Variants in PIK3C2G observed in about 807,000 individuals in gnomAD.
PIK3C2G encodes phosphatidylinositol 3-kinase C2 domain-containing subunit gamma.
In PIK3C2G, 168 loss-of-function variants were observed where a neutral mutation model predicts 181.1. The ratio of observed to expected loss-of-function variants is 0.93; its 90% CI spans 0.82 to 1.05. PIK3C2G has a LOEUF of 1.05. PIK3C2G is among the 50% of genes least tolerant of loss of function. The pLI is 0.00. For synonymous variants in PIK3C2G, 573 were observed against 592.2 expected (o/e 0.97, Z 0.47); for missense variants, 1,869 against 1,732.8 (o/e 1.08, Z -1.40).
chr12:18,381,969 G>T, intron 14 of PIK3C2G, 89 bp downstream of exon 14: 1 of 822,910 alleles, frequency 1.2e-6, no homozygotes, highest in Non-Finnish European at 2.1e-6. Context: ...ATTTCTTCCA[G>T]GATCACACAT....
intron 5 of PIK3C2G, among the ~76,000 whole-genome samples, chr12:18,302,472 G>C (rs141120753): frequency 2.6e-4 from 39 of 152,276 alleles, no homozygotes; most frequent in Non-Finnish European, 5.6e-4. Context: ...CACAGGAGTA[G>C]AATGTTATGG....
chr12:18,297,559 G>GT (rs1949994283), intron 5 of PIK3C2G, among the ~76,000 whole-genome samples: 1 of 151,610 alleles, frequency 6.6e-6, no homozygotes, highest in East Asian at 1.9e-4. Flanking sequence ...TTCTCTTCTA[G>GT]TTTTTTTGAA....
chr12:18,610,294 T>C (rs955358116), intron 31 of PIK3C2G, among the ~76,000 whole-genome samples: 1 of 152,072 alleles, frequency 6.6e-6, no homozygotes, highest in Admixed American at 6.6e-5. Context: ...GTGGTATAAC[T>C]TCCCAGGAGA....
chr12:18,660,879 G>T, the PIK3C2G span, among the ~76,000 whole-genome samples: 3 of 151,970 alleles, frequency 2.0e-5, no homozygotes, highest in Non-Finnish European at 4.4e-5. Context: ...TAAAACAATT[G>T]ATAGTCAAAG....
At chr12:18,259,925 T>C (rs1948192679), upstream of PIK3C2G, among the ~76,000 whole-genome samples, 1 of 152,106 alleles carries the variant, frequency 6.6e-6, no homozygotes, top group Non-Finnish European at 1.5e-5. Flanking sequence ...TAGAAGAAGC[T>C]TAATTGTTCT....
At chr12:18,425,412 AG>A (rs1208792918) in intron 18 of PIK3C2G, among the ~76,000 whole-genome samples, 1 of 40,790 alleles carries the variant, frequency 2.5e-5, no homozygotes, top group Non-Finnish European at 4.5e-5. Flanking sequence ...TTTTTTTTTG[AG>A]TCGGAGTCTC....
At chr12:18,269,931 A>G (rs1449304112) in intron 1 of PIK3C2G, among the ~76,000 whole-genome samples, 3 of 121,964 alleles carry the variant, frequency 2.5e-5, no homozygotes, top group Non-Finnish European at 5.0e-5. Flanking sequence ...TTTTTTTGAG[A>G]TGGCATCTCT....
chr12:18,533,015 C>T (rs1164824624), intron 24 of PIK3C2G, among the ~76,000 whole-genome samples: 1 of 151,828 alleles, frequency 6.6e-6, no homozygotes, highest in Non-Finnish European at 1.5e-5. Context: ...AGAAAACTCA[C>T]CTCCATGTTG....
In PIK3C2G at chr12:18,428,542, G is replaced by A. The variant is rs78755208; in HGVS notation, c.2504+4503G>A. On this transcript the variant is annotated intron_variant, in intron 18 of 32. Transcript: ENST00000538779. ...TATAACTCTATATATCCTCAACAGCGCTCCCTGCTCCACAACTTCCACCTG... is the reference window on the plus strand; with the variant it reads ...TATAACTCTATATATCCTCAACAGCACTCCCTGCTCCACAACTTCCACCTG... Among the ~76,000 whole-genome samples the A allele has an allele frequency of 2.1e-4, 32 of 152,114 alleles. No individual in the cohort carries two copies. The East Asian group carries it at 2.3e-3, about 11-fold the overall frequency.
At chr12:18,313,839 C>A in intron 5 of PIK3C2G, 123 bp from the exon 6 acceptor site, 1 of 623,294 alleles carries the variant, frequency 1.6e-6, no homozygotes, top group Non-Finnish European at 2.9e-6. Flanking sequence ...CGCACACACA[C>A]GCACACACTC....
chr12:18,687,703 A>G, the PIK3C2G span, among the ~76,000 whole-genome samples: 2 of 152,100 alleles, frequency 1.3e-5, no homozygotes, highest in Non-Finnish European at 2.9e-5. Context: ...CAAATAATTC[A>G]TTATAAAAAT....
intron 1 of PIK3C2G, among the ~76,000 whole-genome samples, chr12:18,250,816 T>C (rs1489939879): frequency 6.6e-6 from 1 of 152,034 alleles, no homozygotes; most frequent in African/African-American, 2.4e-5. Context: ...TGCTTTAACA[T>C]TTAATAAAAT....
chr12:18,247,124 C>T (rs903510413), upstream of PIK3C2G, among the ~76,000 whole-genome samples: 1 of 152,146 alleles, frequency 6.6e-6, no homozygotes, highest in Non-Finnish European at 1.5e-5. Context: ...AGGAAAGTCT[C>T]CTAAGTCCCA....
intron 24 of PIK3C2G, among the ~76,000 whole-genome samples, chr12:18,536,970 C>A (rs1329686355): frequency 6.6e-6 from 1 of 151,958 alleles, no homozygotes; most frequent in South Asian, 2.1e-4. Context: ...ATTGTGGTAG[C>A]ATGGATTACA....
the PIK3C2G span, among the ~76,000 whole-genome samples, chr12:18,724,357 G>GTTAGATAAC: frequency 2.0e-5 from 3 of 152,104 alleles, no homozygotes; most frequent in Non-Finnish European, 4.4e-5. Context: ...AATGACTGGG[G>GTTAGATAAC]TCAGGGAGAG....
At chr12:18,267,573 C>A (rs1197152349) in intron 1 of PIK3C2G, among the ~76,000 whole-genome samples, 1 of 152,102 alleles carries the variant, frequency 6.6e-6, no homozygotes, top group Non-Finnish European at 1.5e-5. Context: ...ATGTCTGCAG[C>A]TTATCTTGCC....
chr12:18,308,309 C>G (rs1208071168), intron 5 of PIK3C2G, among the ~76,000 whole-genome samples: 2 of 151,850 alleles, frequency 1.3e-5, no homozygotes, highest in Admixed American at 1.3e-4. Context: ...ACCTAGAATT[C>G]TGGAACTAAC....
chr12:18,529,330 C>A (rs1347828947), intron 24 of PIK3C2G, among the ~76,000 whole-genome samples: 1 of 152,024 alleles, frequency 6.6e-6, no homozygotes, highest in South Asian at 2.1e-4. Flanking sequence ...GAATTGCTTA[C>A]TCTGTTTTAA....
chr12:18,552,403 TA>T (rs1565499954), intron 26 of PIK3C2G, among the ~76,000 whole-genome samples: 2 of 152,144 alleles, frequency 1.3e-5, no homozygotes, highest in Admixed American at 1.3e-4. Flanking sequence ...TAAATTTTCT[TA>T]TTTTTTTTAC....
Sources: allele counts gnomAD v4.1 joint callset (sites outside exome capture counted in the v4.1 genomes callset), GRCh38; gene constraint gnomAD v4.1.1; transcripts MANE v1.5; gene names NCBI Gene and HGNC (gene_info 2026-07-23, HGNC 2026-07-21).